TUNAR: variants seen among roughly 807,000 people sequenced by gnomAD.
TUNAR encodes protein TUNAR.
In TUNAR at chr14:95,884,097, G is replaced by A. The variant is rs370650448; in HGVS notation, c.12+6920G>A. 5.2e-4 allele frequency among the ~76,000 whole-genome samples: 79 copies of A among 152,180 alleles called. No individual in the cohort carries two copies. The Middle Eastern group carries it at 0.014, about 26-fold the overall frequency. On this transcript the variant is annotated intron_variant, in intron 2 of 2. Transcript: ENST00000678517. ...CACCGCCGTGCTGTCCAAGCCAATC[G>A]ACTCTCTCTTCACCACGCTTCCCGC...
intron 2 of TUNAR, among the ~76,000 whole-genome samples, chr14:95,893,920 A>G (rs1259505376): frequency 1.3e-5 from 2 of 152,246 alleles, no homozygotes; most frequent in African/African-American, 4.8e-5. Context: ...GTCATTTGCA[A>G]ATAGCCTTGC....
intron 2 of TUNAR, among the ~76,000 whole-genome samples, chr14:95,915,716 G>A (rs1389680994): frequency 6.6e-6 from 1 of 152,220 alleles, no homozygotes; most frequent in South Asian, 2.1e-4. Flanking sequence ...GGCCACACAC[G>A]GCGCTGTGTC....
intron 2 of TUNAR, among the ~76,000 whole-genome samples, chr14:95,916,595 A>G (rs1460611118): frequency 1.3e-5 from 2 of 152,282 alleles, no homozygotes; most frequent in African/African-American, 2.4e-5. Flanking sequence ...GCTCTTATCC[A>G]TGTACCCTGC....
intron 2 of TUNAR, among the ~76,000 whole-genome samples, chr14:95,884,170 G>T (rs776894518): frequency 2.6e-5 from 4 of 152,166 alleles, no homozygotes; most frequent in Non-Finnish European, 4.4e-5. Context: ...GGTAGCCAGA[G>T]TGAGCCTTTT....
At chr14:95,910,598 G>A (rs1481000459) in intron 2 of TUNAR, among the ~76,000 whole-genome samples, 1 of 152,248 alleles carries the variant, frequency 6.6e-6, no homozygotes, top group Non-Finnish European at 1.5e-5. Context: ...TCGTTGATCA[G>A]ACTAAATGCT....
intron 2 of TUNAR, among the ~76,000 whole-genome samples, chr14:95,919,945 G>A (rs541565114): frequency 3.3e-5 from 5 of 152,170 alleles, no homozygotes; most frequent in South Asian, 2.1e-4. Context: ...ATGCTTGCCC[G>A]AATATATATA....
At chr14:95,894,315 C>T (rs901264913) in intron 2 of TUNAR, among the ~76,000 whole-genome samples, 3 of 152,224 alleles carry the variant, frequency 2.0e-5, no homozygotes, top group Non-Finnish European at 4.4e-5. Context: ...TCATTGAACA[C>T]ACGCTATGTG....
In TUNAR at chr14:95,923,049, G is replaced by A. The variant is rs74085777; in HGVS notation, c.*83G>A. On this transcript the variant is annotated 3_prime_UTR_variant, in exon 3 of 3. Coordinates refer to ENST00000678517, the Ensembl canonical transcript of TUNAR. ...CGGCGCATCACTGACCAGACCCTGC[G>A]AGAACAAGCAGGCTTGACCCGCACA... 2.0e-3 allele frequency: 778 copies of A among 398,602 alleles called. 1 individual carries two copies. The highest frequency in any genetic ancestry group is 0.015 in the African/African-American group (713 of 48,734). 24.7% of individuals were successfully genotyped at this position (398,602 alleles called of 1,614,324 possible).
chr14:95,925,482 C>T (rs1004324694), exon 3 of TUNAR: 6 of 152,150 alleles, frequency 3.9e-5, no homozygotes, highest in African/African-American at 1.4e-4. Flanking sequence ...GAAGGAGCTA[C>T]TCAGTAGGCT....
chr14:95,909,853 G>T (rs181235120), intron 2 of TUNAR, among the ~76,000 whole-genome samples: 1 of 152,190 alleles, frequency 6.6e-6, no homozygotes, highest in Non-Finnish European at 1.5e-5. Flanking sequence ...CCAGACATCC[G>T]AAGACGGGGT....
chr14:95,917,418 A>G (rs1046612128), intron 2 of TUNAR, among the ~76,000 whole-genome samples: 4 of 152,180 alleles, frequency 2.6e-5, no homozygotes, highest in Admixed American at 6.5e-5. Context: ...TTGATGCCCT[A>G]TGAGGCAGAT....
intron 2 of TUNAR, among the ~76,000 whole-genome samples, chr14:95,889,075 C>T (rs770914649): frequency 3.9e-5 from 6 of 152,106 alleles, no homozygotes; most frequent in African/African-American, 9.7e-5. Context: ...GAGCTGTGTG[C>T]GAGTCCAGCT....
chr14:95,925,285 T>TG (rs767512214), exon 3 of TUNAR: 1 of 152,246 alleles, frequency 6.6e-6, no homozygotes, highest in Non-Finnish European at 1.5e-5. Flanking sequence ...CCTTAGCCCT[T>TG]GGGGGTCCGG....
chr14:95,922,445 ACAGACTTTAGTTTCACTG>A, intron 2 of TUNAR, among the ~76,000 whole-genome samples: 1 of 152,334 alleles, frequency 6.6e-6, no homozygotes, highest in East Asian at 1.9e-4. Context: ...GATGGAGGGC[ACAGACTTTAGTTTCACTG>A]CAGTGCAGCT....
At chr14:95,913,396 T>G (rs1470428203) in intron 2 of TUNAR, among the ~76,000 whole-genome samples, 1 of 152,114 alleles carries the variant, frequency 6.6e-6, no homozygotes, top group Non-Finnish European at 1.5e-5. Flanking sequence ...CAACTCCCAC[T>G]TATGAGTGAG....
intron 2 of TUNAR, among the ~76,000 whole-genome samples, chr14:95,888,820 T>C (rs1000712468): frequency 6.6e-6 from 1 of 152,032 alleles, no homozygotes; most frequent in Non-Finnish European, 1.5e-5. Context: ...GGGGGGCAGT[T>C]AGACTCCATC....
chr14:95,906,257 A>T (rs568678933), intron 2 of TUNAR, among the ~76,000 whole-genome samples: 1 of 152,184 alleles, frequency 6.6e-6, no homozygotes, highest in African/African-American at 2.4e-5. Context: ...TAGGGGACAT[A>T]GCTGGGAATG....
chr14:95,918,842 A>G (rs781145722), intron 2 of TUNAR, among the ~76,000 whole-genome samples: 1 of 152,190 alleles, frequency 6.6e-6, no homozygotes, highest in African/African-American at 2.4e-5. Context: ...GTATCTTCTT[A>G]TACCAATCCT....
chr14:95,893,064 C>T (rs139738955), intron 2 of TUNAR, among the ~76,000 whole-genome samples: 338 of 152,210 alleles, frequency 2.2e-3, no homozygotes, highest in African/African-American at 7.8e-3. Context: ...TCTACTGAGT[C>T]TGCAGTGACC....
Sources: allele counts gnomAD v4.1 joint callset (sites outside exome capture counted in the v4.1 genomes callset), GRCh38; gene constraint gnomAD v4.1.1; transcripts MANE v1.5; gene names NCBI Gene and HGNC (gene_info 2026-07-23, HGNC 2026-07-21).